Variants in ARHGEF9 observed in about 807,000 individuals in gnomAD.
ARHGEF9 encodes Cdc42 guanine nucleotide exchange factor 9.
In ARHGEF9, 2 loss-of-function variants were observed where a neutral mutation model predicts 41.3. That is an observed-to-expected ratio of 0.05 (90% CI 0.02 to 0.15). The LOEUF (loss-of-function observed/expected upper bound fraction) is 0.15, where lower values mean the gene tolerates loss of function less well. Among genes scored for constraint, ARHGEF9 ranks in the 10% least tolerant of loss-of-function variants. The pLI is 1.00. For missense variants in ARHGEF9, 225 were observed against 424.7 expected (o/e 0.53, Z 4.13); for synonymous variants, 160 against 154.4 (o/e 1.04, Z -0.27).
intron 1 of ARHGEF9, among the ~76,000 whole-genome samples, chrX:63,781,536 G>A (rs782386920): frequency 1.5e-4 from 17 of 111,614 alleles, no homozygotes; most frequent in Non-Finnish European, 3.0e-4. Flanking sequence ...CTGAGGGTCC[G>A]AGCAGGTGAT....
At chrX:63,658,512 A>G (rs1479231000) in intron 7 of ARHGEF9, among the ~76,000 whole-genome samples, 1 of 111,572 alleles carries the variant, frequency 9.0e-6, no homozygotes, top group African/African-American at 3.3e-5. Context: ...CTGAGCCCCA[A>G]TTTCCTCAAC....
At position 63,785,163 on chromosome X, in the gene ARHGEF9, G is replaced by A. The variant is rs1320652611; in HGVS notation, c.-18C>T. 1 of 1,161,651 alleles carries A rather than the reference G, an allele frequency of 8.6e-7. No individual in the cohort carries two copies. The highest frequency in any genetic ancestry group is 3.3e-5 in the East Asian group (1 of 30,527). On this transcript the variant is annotated 5_prime_UTR_variant, in exon 1 of 10. Transcript: ENST00000671741. ...CACTGCATGGTGCTTGCGAAGTCCG[G>A]CTTCTCTGAGGCCCCGTAGCTGGCG...
intron 1 of ARHGEF9, among the ~76,000 whole-genome samples, chrX:63,768,552 T>G (rs1602740567): frequency 8.9e-6 from 1 of 112,311 alleles, no homozygotes; most frequent in African/African-American, 3.2e-5. Context: ...TTGAGAAATC[T>G]CTATACTGTT....
chrX:63,658,430 T>C (rs781986968), intron 7 of ARHGEF9, among the ~76,000 whole-genome samples: 5 of 112,245 alleles, frequency 4.5e-5, no homozygotes, highest in Non-Finnish European at 9.4e-5. Flanking sequence ...ATGTAGAGTC[T>C]GAAGCCCTGA....
At chrX:63,708,807 A>T (rs1216347403) in intron 2 of ARHGEF9, among the ~76,000 whole-genome samples, 4 of 112,546 alleles carry the variant, frequency 3.6e-5, no homozygotes, top group African/African-American at 9.7e-5. Flanking sequence ...TAAAAAAGAC[A>T]GAAATCACTG....
chrX:63,765,525 T>C (rs782550978), intron 1 of ARHGEF9, among the ~76,000 whole-genome samples: 1 of 111,092 alleles, frequency 9.0e-6, no homozygotes, highest in African/African-American at 3.3e-5. Flanking sequence ...GATTTGTACC[T>C]CACAAAAGCC....
intron 1 of ARHGEF9, chrX:63,737,209 G>T (rs2054665841): frequency 8.9e-6 from 1 of 112,180 alleles, no homozygotes; most frequent in African/African-American, 3.2e-5. Flanking sequence ...TTTTGCTAAG[G>T]AATCTCAAAT....
intron 1 of ARHGEF9, among the ~76,000 whole-genome samples, chrX:63,759,446 C>A (rs1332573118): frequency 8.1e-5 from 9 of 111,495 alleles, no homozygotes; most frequent in African/African-American, 2.9e-4. Context: ...AGCTCCAACA[C>A]CTATAATGAT....
intron 1 of ARHGEF9, among the ~76,000 whole-genome samples, chrX:63,752,020 A>G (rs782789190): frequency 7.1e-5 from 8 of 112,151 alleles, no homozygotes; most frequent in South Asian, 3.8e-4. Context: ...GGGGAAAAAA[A>G]GTCAAAAAGC....
intron 1 of ARHGEF9, among the ~76,000 whole-genome samples, chrX:63,764,668 A>G (rs1556450876): frequency 8.9e-6 from 1 of 112,258 alleles, no homozygotes; most frequent in Non-Finnish European, 1.9e-5. Context: ...TGTCCTTTGC[A>G]GGGACATGGA....
chrX:63,684,726 T>C (rs1556373482), intron 4 of ARHGEF9, among the ~76,000 whole-genome samples: 1 of 109,844 alleles, frequency 9.1e-6, no homozygotes, highest in East Asian at 2.8e-4. Context: ...ATTTTTAATT[T>C]ATTTATATAT....
At chrX:63,740,979 C>T (rs2054917795) in intron 1 of ARHGEF9, among the ~76,000 whole-genome samples, 1 of 112,540 alleles carries the variant, frequency 8.9e-6, no homozygotes, top group South Asian at 3.7e-4. Context: ...GGCCACTGCC[C>T]AAAGGGATCT....
rs1450431676 is a variant in ARHGEF9, at chrX:63,637,425, A to C, written c.*603T>G. On this transcript the variant is annotated 3_prime_UTR_variant, in exon 10 of 10. Coordinates refer to ENST00000671741, the MANE Select transcript of ARHGEF9 (RefSeq NM_001353921.2). ...ATGCTGAAAAAAGGTTATTTGGGGC[A>C]ACTGCAGGGCTGAAGGAACATTTGA... 17 of 291,508 alleles carry C rather than the reference A, an allele frequency of 5.8e-5. No individual in the cohort carries two copies. Among genetic ancestry groups the C allele is most frequent in the Non-Finnish European group, 1.0e-4 (17 of 168,095 alleles). The allele number at this position is 291,508 out of a possible 1,213,427, so 24.0% of individuals were successfully genotyped here.
At chrX:63,694,698 G>A (rs2051618713) in intron 4 of ARHGEF9, among the ~76,000 whole-genome samples, 1 of 111,816 alleles carries the variant, frequency 8.9e-6, no homozygotes, top group Non-Finnish European at 1.9e-5. Context: ...CCAGGAGTAG[G>A]GGCACAGATT....
chrX:63,644,475 A>G (rs2047860694), intron 8 of ARHGEF9, among the ~76,000 whole-genome samples: 2 of 111,474 alleles, frequency 1.8e-5, no homozygotes, highest in African/African-American at 3.3e-5. Context: ...GAAAAAATCA[A>G]ATGGAAAATA....
At chrX:63,772,684 A>T (rs1221335154) in intron 1 of ARHGEF9, among the ~76,000 whole-genome samples, 1 of 111,321 alleles carries the variant, frequency 9.0e-6, no homozygotes, top group Non-Finnish European at 1.9e-5. Context: ...TGACCACTGA[A>T]CCACACTAAC....
At chrX:63,697,453 C>A in intron 3 of ARHGEF9, 149 bp from the exon 4 acceptor site, 2 of 525,952 alleles carry the variant, frequency 3.8e-6, no homozygotes, top group South Asian at 6.2e-5. Flanking sequence ...CTGAGGTTTA[C>A]AGAAGGAAGT....
chrX:63,698,064 C>T (rs2147456276), intron 3 of ARHGEF9, among the ~76,000 whole-genome samples: 1 of 107,681 alleles, frequency 9.3e-6, no homozygotes, highest in East Asian at 2.9e-4. Context: ...TGTGCCTGGA[C>T]ATGGTGTTTT....
intron 1 of ARHGEF9, among the ~76,000 whole-genome samples, chrX:63,734,080 G>A (rs1602620762): frequency 3.6e-5 from 4 of 112,406 alleles, no homozygotes; most frequent in African/African-American, 1.3e-4. Context: ...GCAATAGATG[G>A]TAAGAAACCC....
Sources: allele counts gnomAD v4.1 joint callset (sites outside exome capture counted in the v4.1 genomes callset), GRCh38; gene constraint gnomAD v4.1.1; transcripts MANE v1.5; gene names NCBI Gene and HGNC (gene_info 2026-07-23, HGNC 2026-07-21).